SEMA4B: variants seen among roughly 807,000 people sequenced by gnomAD.
The protein encoded by SEMA4B is semaphorin-4B.
Under a neutral mutation model 88.1 loss-of-function variants are expected in SEMA4B, and 55 were observed. The ratio of observed to expected loss-of-function variants is 0.62; its 90% CI spans 0.50 to 0.78. The LOEUF is 0.78. Among genes scored for constraint, SEMA4B ranks in the 30% least tolerant of loss-of-function variants. The probability of loss-of-function intolerance (pLI) is 0.00; values close to 1 mark genes in which losing one functional copy is unlikely to be tolerated. For missense variants in SEMA4B, 1,062 were observed against 1,111.9 expected (o/e 0.96, Z 0.64); for synonymous variants, 525 against 473.6 (o/e 1.11, Z -1.41).
chr15:90,189,572 T>G (rs1224203369), intron 1 of SEMA4B, among the ~76,000 whole-genome samples: 1 of 152,176 alleles, frequency 6.6e-6, no homozygotes, highest in African/African-American at 2.4e-5. Flanking sequence ...AATGTCAACT[T>G]TGATGTAGCT....
chr15:90,223,522 A>G (rs908048), intron 7 of SEMA4B, 37 bp from the exon 8 acceptor site: 1,051,271 of 1,517,012 alleles, frequency 0.69, 366,817 homozygotes, highest in East Asian at 0.91. Context: ...ATGGCTCAGC[A>G]TGTGCCTAAG....
chr15:90,202,492 G>GCCCTT (rs1230989819), intron 1 of SEMA4B, among the ~76,000 whole-genome samples: 1 of 152,104 alleles, frequency 6.6e-6, no homozygotes, highest in Non-Finnish European at 1.5e-5. Context: ...TCAGCCCTCC[G>GCCCTT]CCCTTCCCTC....
chr15:90,188,728 C>T (rs551395228), intron 1 of SEMA4B, among the ~76,000 whole-genome samples: 9 of 152,040 alleles, frequency 5.9e-5, no homozygotes, highest in South Asian at 4.2e-4. Context: ...GGTGCAGTGG[C>T]GCTATCTCGG....
intron 13 of SEMA4B, 60 bp from the exon 14 acceptor site, chr15:90,227,844 G>T: frequency 1.3e-6 from 2 of 1,599,472 alleles, no homozygotes; most frequent in Non-Finnish European, 1.7e-6. Flanking sequence ...GGGAGGCAGG[G>T]GAGCTTGGAG....
intron 1 of SEMA4B, among the ~76,000 whole-genome samples, chr15:90,203,148 A>C (rs191274580): frequency 1.1e-4 from 16 of 152,340 alleles, no homozygotes; most frequent in African/African-American, 3.6e-4. Context: ...CCGCTGAATG[A>C]GTGTTACTCA....
rs1962254278 is a variant in SEMA4B, at chr15:90,227,898, C to T, written c.1775-6C>T. ...CCCCCCTACCCCATGCCTTTTCTGC[C>T]TACAGGGGAGAAGCCATGTGAGCAA... On this transcript the variant is annotated splice_polypyrimidine_tract_variant and splice_region_variant and intron_variant, in intron 13 of 13. Coordinates refer to ENST00000411539, the MANE Select transcript of SEMA4B (RefSeq NM_198925.4). The T allele has an allele frequency of 1.2e-6, 2 of 1,610,098 alleles. No individual in the cohort carries two copies. Among genetic ancestry groups the T allele is most frequent in the African/African-American group, 1.3e-5 (1 of 74,924 alleles).
At chr15:90,185,725 G>A (rs1167038651) in intron 1 of SEMA4B, among the ~76,000 whole-genome samples, 2 of 152,086 alleles carry the variant, frequency 1.3e-5, no homozygotes, top group African/African-American at 4.8e-5. Context: ...ATTTTGTGCG[G>A]GAAGCATACA....
intron 1 of SEMA4B, among the ~76,000 whole-genome samples, chr15:90,202,031 C>T (rs564768506): frequency 2.6e-5 from 4 of 152,362 alleles, no homozygotes; most frequent in East Asian, 3.9e-4. Context: ...TCCGCCTGCC[C>T]ATCTACTTGT....
At chr15:90,208,791 G>A (rs1347169996) in intron 1 of SEMA4B, among the ~76,000 whole-genome samples, 1 of 148,436 alleles carries the variant, frequency 6.7e-6, no homozygotes, top group African/African-American at 2.5e-5. Flanking sequence ...CTGTCACCCA[G>A]GCTGCAGTGG....
At chr15:90,219,655 T>C in intron 3 of SEMA4B, 138 bp from the exon 4 acceptor site, 1 of 635,978 alleles carries the variant, frequency 1.6e-6, no homozygotes, top group Non-Finnish European at 2.7e-6. Context: ...CCGTGGGTTC[T>C]TTGTTCCTAG....
intron 1 of SEMA4B, among the ~76,000 whole-genome samples, chr15:90,203,085 G>C (rs1877783): frequency 0.19 from 29,317 of 152,216 alleles, 3,550 homozygotes; most frequent in African/African-American, 0.34. Context: ...AGGTAGTGAG[G>C]ATTAAATCAG....
chr15:90,215,912 C>T (rs528958726), intron 1 of SEMA4B, among the ~76,000 whole-genome samples: 135 of 152,266 alleles, frequency 8.9e-4, no homozygotes, highest in African/African-American at 3.2e-3. Flanking sequence ...TGTCCTCCCT[C>T]ACCCCAGGCC....
chr15:90,189,846 C>G (rs987478541), intron 1 of SEMA4B, among the ~76,000 whole-genome samples: 1 of 152,188 alleles, frequency 6.6e-6, no homozygotes, highest in Non-Finnish European at 1.5e-5. Flanking sequence ...GAAGCCCACC[C>G]GTGTGGTGAA....
At chr15:90,222,260 T>C (rs959062877) in intron 7 of SEMA4B, among the ~76,000 whole-genome samples, 20 of 149,582 alleles carry the variant, frequency 1.3e-4, no homozygotes, top group African/African-American at 4.6e-4. Flanking sequence ...TTTTCTTTTT[T>C]TTTTTTTTAC....
Position 90,201,386 on chromosome 15 carries a change from C to G in SEMA4B, c.-193C>G, listed in dbSNP as rs909924445. ...TGCGGGGCCGGCGCCGGCGGGAGGACTGCGGTGCCCCGCGGAGGGGCTGAG... is the reference window on the plus strand; with the variant it reads ...TGCGGGGCCGGCGCCGGCGGGAGGAGTGCGGTGCCCCGCGGAGGGGCTGAG... On this transcript the variant is annotated 5_prime_UTR_variant, in exon 1 of 14. Transcript: ENST00000411539. 7.1e-6 allele frequency: 9 copies of G among 1,266,602 alleles called. No individual in the cohort carries two copies. The African/African-American group carries it at 1.3e-4, about 18-fold the overall frequency. The allele number at this position is 1,266,602 out of a possible 1,614,324, so 78.5% of individuals were successfully genotyped here.
chr15:90,217,293 C>G (rs1014602625), intron 1 of SEMA4B, 146 bp from the exon 2 acceptor site: 5 of 694,928 alleles, frequency 7.2e-6, no homozygotes, highest in Non-Finnish European at 1.2e-5. Flanking sequence ...CCCATCAAAC[C>G]TGATCCCCCT....
At chr15:90,194,332 G>A (rs1260713429) in intron 1 of SEMA4B, among the ~76,000 whole-genome samples, 2 of 151,810 alleles carry the variant, frequency 1.3e-5, no homozygotes, top group African/African-American at 4.8e-5. Context: ...AAAAGTTCGA[G>A]ACCAGCCGTG....
At chr15:90,200,761 G>C (rs1960673773), upstream of SEMA4B, among the ~76,000 whole-genome samples, 1 of 152,226 alleles carries the variant, frequency 6.6e-6, no homozygotes, top group Admixed American at 6.5e-5. Flanking sequence ...AGGGCTTCGC[G>C]TGGACAGAAT....
intron 1 of SEMA4B, among the ~76,000 whole-genome samples, chr15:90,194,131 C>T (rs139438221): frequency 1.2e-3 from 179 of 152,174 alleles, no homozygotes; most frequent in African/African-American, 4.1e-3. Context: ...AGATTACGGG[C>T]AATGAGCCAC....
Sources: gnomAD v4.1 joint callset for allele counts (sites outside exome capture counted in the v4.1 genomes callset) on GRCh38, gnomAD v4.1.1 for gene constraint, MANE v1.5 for transcripts, NCBI Gene and HGNC (gene_info 2026-07-23, HGNC 2026-07-21) for gene names.